Variants in THAP3 observed in about 807,000 individuals in gnomAD.
THAP3 encodes the protein THAP domain containing 3.
THAP3 carries 12 observed loss-of-function variants against 17.7 expected under a neutral mutation model. The ratio of observed to expected loss-of-function variants is 0.68; its 90% CI spans 0.43 to 1.10. The LOEUF (loss-of-function observed/expected upper bound fraction) is 1.10, where lower values mean the gene tolerates loss of function less well. Ranked by LOEUF, THAP3 falls within the 50% of genes least tolerant of loss-of-function variation. The pLI is 0.00. For missense variants in THAP3, 289 were observed against 318.0 expected (o/e 0.91, Z 0.69); for synonymous variants, 133 against 126.9 (o/e 1.05, Z -0.32).
rs1641683025 is a variant in THAP3 at position 6,633,399 on chromosome 1, G to A, written c.*322G>A. The stretch of plus-strand genomic sequence containing the variant: ...AGAGCAAAGATCGTTGGAAGCCCCA[G>A]TGTGGGAGATGCTCCTCAGGGAGGA... On this transcript the variant is annotated 3_prime_UTR_variant, in exon 6 of 6. Coordinates refer to ENST00000054650, the MANE Select transcript of THAP3 (RefSeq NM_001195753.2). 2 of 1,218,226 alleles carry A rather than the reference G, an allele frequency of 1.6e-6. No individual in the cohort carries two copies. The highest frequency in any genetic ancestry group is 1.0e-6 in the Non-Finnish European group (1 of 968,024). 75.5% of individuals were successfully genotyped at this position (1,218,226 alleles called of 1,614,324 possible).
Position 6,633,166 on chromosome 1 carries a change from G to T in THAP3, c.*89G>T. On this transcript the variant is annotated 3_prime_UTR_variant, in exon 6 of 6. Transcript: ENST00000054650. ...GGCTGTGGACATTTTTGTCTGCTGT[G>T]GACACTGAGAAAGTTGGCCATGAGG... The T allele has an allele frequency of 6.7e-7, 1 of 1,489,110 alleles. No individual in the cohort carries two copies. The highest frequency in any genetic ancestry group is 2.5e-5 in the Admixed American group (1 of 40,494). 92.2% of individuals were successfully genotyped at this position (1,489,110 alleles called of 1,614,324 possible).
At position 6,628,671 on chromosome 1, in the gene THAP3, G is replaced by A. The variant is rs759625583; in HGVS notation, c.247G>A (p.Ala83Thr). 4.3e-6 allele frequency: 7 copies of A among 1,613,024 alleles called. No homozygotes were observed. Among genetic ancestry groups the A allele is most frequent in the Admixed American group, 3.3e-5 (2 of 59,974 alleles). ...GCACAATGCCGTGCCCACGGTGTTCGCCTTTCAGGACCCCACACAGGTAGG... is the reference window on the plus strand; with the variant it reads ...GCACAATGCCGTGCCCACGGTGTTCACCTTTCAGGACCCCACACAGGTAGG... ...LKHNAVPTVF[A>T]FQDPTQQVRE... The change falls in exon 3 of 6, where the codon GCC (alanine) becomes ACC (threonine). Residue 83 changes from alanine (A) to threonine (T), a missense_variant. By Grantham distance (58) the Ala-to-Thr change is moderately conservative (BLOSUM62 0). Transcript: ENST00000054650.
At chr1:6,635,001 G>GC, downstream of THAP3, 2 of 591,622 alleles carry the variant, frequency 3.4e-6, no homozygotes, top group Non-Finnish European at 4.9e-6. Flanking sequence ...CTGTGTCAGG[G>GC]CTAGGCCCTG....
At chr1:6,627,226 C>A (rs1231974014) in intron 2 of THAP3, among the ~76,000 whole-genome samples, 1 of 152,128 alleles carries the variant, frequency 6.6e-6, no homozygotes, top group African/African-American at 2.4e-5. Flanking sequence ...ACACTTGCTC[C>A]CCAGGGGCCC....
rs746831051 is a variant in THAP3, at chr1:6,628,687, C to T, written c.263C>T (p.Thr88Ile). 1 of 1,612,280 alleles carries T rather than the reference C, an allele frequency of 6.2e-7. No homozygotes were observed. Among genetic ancestry groups the T allele is most frequent in the Non-Finnish European group, 8.5e-7 (1 of 1,179,418 alleles). ...VPTVFAFQDP[T>I]QQVRENTDPA... ...ACGGTGTTCGCCTTTCAGGACCCCACACAGGTAGGAGGGCACTGCACCTTC... is the reference window on the plus strand; with the variant it reads ...ACGGTGTTCGCCTTTCAGGACCCCATACAGGTAGGAGGGCACTGCACCTTC... The change falls in exon 3 of 6, where the codon ACA becomes ATA. Residue 88 changes from threonine (T) to isoleucine (I), a missense_variant. Coordinates refer to ENST00000054650, the MANE Select transcript of THAP3 (RefSeq NM_001195753.2).
chr1:6,633,933 T>A, downstream of THAP3: 2 of 1,256,500 alleles, frequency 1.6e-6, no homozygotes, highest in African/African-American at 1.5e-5. Flanking sequence ...AAAACTGACT[T>A]CCTATTTTGT....
chr1:6,633,565 G>GATGGGA, downstream of THAP3: 1 of 1,069,356 alleles, frequency 9.4e-7, no homozygotes, highest in Non-Finnish European at 1.1e-6. Flanking sequence ...TTTCTATACG[G>GATGGGA]TGTCGCTCCC....
chr1:6,625,763 C>A (rs1266388749), intron 2 of THAP3, among the ~76,000 whole-genome samples: 1 of 151,970 alleles, frequency 6.6e-6, no homozygotes, highest in Non-Finnish European at 1.5e-5. Flanking sequence ...CCGGCCCGGC[C>A]CGGCCCAGGA....
In THAP3 at chr1:6,628,530, G is replaced by C; in HGVS notation, c.106G>C (p.Glu36Gln). 1.2e-6 allele frequency: 2 copies of C among 1,613,706 alleles called. No individual in the cohort carries two copies. Among genetic ancestry groups the C allele is most frequent in the Non-Finnish European group, 1.7e-6 (2 of 1,179,950 alleles). ...FPFSRPELLK[E>Q]WVLNIGRGNF... ...GTTCAGCCGCCCGGAGCTGCTGAAG[G>C]AATGGGTGCTGAACATCGGCCGGGG... The change falls in exon 3 of 6, where the codon GAA becomes CAA. Residue 36 changes from glutamate (E) to glutamine (Q), a missense_variant. Coordinates refer to ENST00000054650, the MANE Select transcript of THAP3 (RefSeq NM_001195753.2).
intron 2 of THAP3, among the ~76,000 whole-genome samples, chr1:6,626,832 C>T (rs766507922): frequency 3.3e-5 from 5 of 152,184 alleles, no homozygotes; most frequent in African/African-American, 7.2e-5. Context: ...GGCAACAGAG[C>T]GAGACTCCGT....
At position 6,625,153 on chromosome 1, in the gene THAP3, C is replaced by A. The variant is rs1557450944; in HGVS notation, c.-66C>A. On this transcript the variant is annotated 5_prime_UTR_variant, in exon 2 of 6. Transcript: ENST00000054650. ...GCGGCCCCGCCCCTCCCCGCAGGTC[C>A]CTCCCCTCTCCGCAGGCCCCGCCGC... 2 of 1,497,092 alleles carry A rather than the reference C, an allele frequency of 1.3e-6. No individual in the cohort carries two copies. The allele number at this position is 1,497,092 out of a possible 1,614,324, so 92.7% of individuals were successfully genotyped here.
At position 6,624,952 on chromosome 1, in the gene THAP3, G is replaced by A; in HGVS notation, c.-72G>A. The A allele has an allele frequency of 2.0e-6, 1 of 499,956 alleles. No homozygotes were observed. The highest frequency in any genetic ancestry group is 3.5e-6 in the Non-Finnish European group (1 of 281,784). 31.0% of individuals were successfully genotyped at this position (499,956 alleles called of 1,614,324 possible). On this transcript the variant is annotated splice_region_variant and 5_prime_UTR_variant, in exon 1 of 6. An upstream start codon of the reference 5' UTR is lost. Transcript: ENST00000054650. ...TGAAAGGCGACCAGCATTGGCGAAT[G>A]GGGTAAGACTTGCACAGGCCCAAGG...
At chr1:6,635,584 AC>A, downstream of THAP3, 1 of 1,328,098 alleles carries the variant, frequency 7.5e-7, no homozygotes, top group South Asian at 1.3e-5. Context: ...TAAAATAAAA[AC>A]ATCTGATGTC....
At chr1:6,633,620 C>T (rs959993063), downstream of THAP3, 2 of 1,071,448 alleles carry the variant, frequency 1.9e-6, no homozygotes, top group South Asian at 2.8e-5. Context: ...AGAAGACTGA[C>T]TTCCGTGGCC....
chr1:6,631,052 C>T (rs1641599247), intron 4 of THAP3, among the ~76,000 whole-genome samples: 1 of 152,068 alleles, frequency 6.6e-6, no homozygotes, highest in African/African-American at 2.4e-5. Flanking sequence ...GTTGCTCAGG[C>T]TCTGTACAGT....
In THAP3 at chr1:6,633,446, CTG is replaced by C. The variant is rs1222267276; in HGVS notation, c.*372_*373del. The C allele has an allele frequency of 3.5e-6, 4 of 1,159,096 alleles. No homozygotes were observed. In the African/African-American group the frequency reaches 4.8e-5, roughly 14 times the overall value. 71.8% of individuals were successfully genotyped at this position (1,159,096 alleles called of 1,614,324 possible). A position where few individuals can be genotyped will look rare whatever the true frequency, so the allele number is the denominator to read the frequency against. On this transcript the variant is annotated 3_prime_UTR_variant, in exon 6 of 6. Coordinates refer to ENST00000054650, the MANE Select transcript of THAP3 (RefSeq NM_001195753.2). ...AGGAAGCCATGTGAGGGGGCTGGCT[CTG>C]TGGCGGGTGAGTGGTCCCCTCCTCC...
At chr1:6,627,189 G>A (rs1366896314) in intron 2 of THAP3, among the ~76,000 whole-genome samples, 1 of 152,106 alleles carries the variant, frequency 6.6e-6, no homozygotes, top group African/African-American at 2.4e-5. Flanking sequence ...TGGGGTGTGG[G>A]CCATGGCCCA....
At chr1:6,634,392 G>A (rs1227236466), downstream of THAP3, 6 of 1,212,920 alleles carry the variant, frequency 4.9e-6, no homozygotes, top group Non-Finnish European at 3.2e-6. Flanking sequence ...AACCCGAACT[G>A]CTTTTCAAAA....
At chr1:6,634,513 C>A, downstream of THAP3, 1 of 1,354,036 alleles carries the variant, frequency 7.4e-7, no homozygotes. Flanking sequence ...TGGGGCCCCC[C>A]GCGCCAGCTG....
Sources: gnomAD v4.1 joint callset for allele counts (sites outside exome capture counted in the v4.1 genomes callset) on GRCh38, gnomAD v4.1.1 for gene constraint, MANE v1.5 for transcripts, NCBI Gene and HGNC (gene_info 2026-07-23, HGNC 2026-07-21) for gene names.